Variants in OLFM3 observed in about 807,000 individuals in gnomAD.
OLFM3 encodes noelin-3.
OLFM3 carries 20 observed loss-of-function variants against 48.6 expected under a neutral mutation model. The ratio of observed to expected loss-of-function variants is 0.41; its 90% CI spans 0.29 to 0.60. The LOEUF (loss-of-function observed/expected upper bound fraction) is 0.60, where lower values mean the gene tolerates loss of function less well. OLFM3 is among the 20% of genes least tolerant of loss of function. The probability of loss-of-function intolerance (pLI) is 0.28; values close to 1 mark genes in which losing one functional copy is unlikely to be tolerated. For missense variants in OLFM3, 437 were observed against 544.3 expected, an observed-to-expected ratio of 0.80 and a Z score of 1.96; for synonymous variants, 222 against 198.1, an observed-to-expected ratio of 1.12 and a Z score of -1.01.
At chr1:101,980,351 T>C (rs1385028790) in intron 1 of OLFM3, among the ~76,000 whole-genome samples, 1 of 152,070 alleles carries the variant, frequency 6.6e-6, no homozygotes, top group Non-Finnish European at 1.5e-5. Context: ...TCACCTCAAA[T>C]TGTAATCCCC....
chr1:101,840,219 G>A (rs1224061479), intron 1 of OLFM3, among the ~76,000 whole-genome samples: 1 of 152,106 alleles, frequency 6.6e-6, no homozygotes, highest in African/African-American at 2.4e-5. Context: ...ACATGCAACA[G>A]GAATAGCAAT....
intron 1 of OLFM3, among the ~76,000 whole-genome samples, chr1:101,924,246 A>G (rs1347595099): frequency 6.6e-6 from 1 of 152,214 alleles, no homozygotes; most frequent in Admixed American, 6.5e-5. Context: ...GTGGATACAG[A>G]GTGCCACTGT....
intron 1 of OLFM3, among the ~76,000 whole-genome samples, chr1:101,843,252 C>T (rs775812614): frequency 3.9e-5 from 6 of 152,178 alleles, no homozygotes; most frequent in Admixed American, 6.5e-5. Context: ...CAGGTTCCTT[C>T]GAGGCCTCTT....
At chr1:101,915,904 A>G (rs1570627372) in intron 1 of OLFM3, among the ~76,000 whole-genome samples, 1 of 152,188 alleles carries the variant, frequency 6.6e-6, no homozygotes, top group East Asian at 1.9e-4. Context: ...TAATAATACT[A>G]CCCTGTGGTT....
Position 101,803,460 on chromosome 1 carries a change from A to G in OLFM3, c.*778T>C, listed in dbSNP as rs748616217. 6.6e-6 allele frequency: 1 copy of G among 152,144 alleles called. No individual in the cohort carries two copies. The highest frequency in any genetic ancestry group is 1.5e-5 in the Non-Finnish European group (1 of 67,778). The allele number at this position is 152,144 out of a possible 1,614,324, so 9.4% of individuals were successfully genotyped here. Reference sequence around the variant, plus strand: ...AGTGGCCCAAAAAACTTGGGGTAAAATAAAGACTCTATGTCAGGTGTCTGG... The same window carrying G: ...AGTGGCCCAAAAAACTTGGGGTAAAGTAAAGACTCTATGTCAGGTGTCTGG... On this transcript the variant is annotated 3_prime_UTR_variant, in exon 6 of 6. Coordinates refer to ENST00000370103, the MANE Select transcript of OLFM3 (RefSeq NM_058170.4).
intron 1 of OLFM3, among the ~76,000 whole-genome samples, chr1:101,990,187 A>C (rs1448052653): frequency 1.3e-5 from 2 of 152,102 alleles, no homozygotes; most frequent in Non-Finnish European, 1.5e-5. Context: ...TTTTGGATAT[A>C]ATTATGATGT....
intron 1 of OLFM3, among the ~76,000 whole-genome samples, chr1:101,956,655 A>C (rs1377273480): frequency 1.3e-5 from 2 of 151,892 alleles, no homozygotes; most frequent in African/African-American, 2.4e-5. Flanking sequence ...TTATAAGCTT[A>C]TTCATTTTAT....
At chr1:101,945,938 G>A (rs1051513295) in intron 1 of OLFM3, among the ~76,000 whole-genome samples, 2 of 152,156 alleles carry the variant, frequency 1.3e-5, no homozygotes, top group Non-Finnish European at 2.9e-5. Context: ...ATTTCCTGTT[G>A]ATAATGTTGA....
intron 2 of OLFM3, among the ~76,000 whole-genome samples, chr1:101,831,881 G>A (rs1006156603): frequency 1.3e-5 from 2 of 152,168 alleles, no homozygotes; most frequent in African/African-American, 2.4e-5. Flanking sequence ...CATAAAATTT[G>A]ATCTTTTTTG....
At chr1:101,958,835 T>TTA (rs10571792) in intron 1 of OLFM3, among the ~76,000 whole-genome samples, 7,909 of 146,294 alleles carry the variant, frequency 0.054, 213 homozygotes, top group Middle Eastern at 0.094. Flanking sequence ...CAAAGTGATA[T>TTA]TATATATATA....
At chr1:101,993,339 C>T (rs932607155) in intron 1 of OLFM3, among the ~76,000 whole-genome samples, 1 of 152,132 alleles carries the variant, frequency 6.6e-6, no homozygotes, top group Non-Finnish European at 1.5e-5. Context: ...CTTCTACCAT[C>T]AAGGTCATTA....
intron 2 of OLFM3, among the ~76,000 whole-genome samples, chr1:101,834,643 G>A (rs1254307284): frequency 6.6e-6 from 1 of 152,146 alleles, no homozygotes; most frequent in Non-Finnish European, 1.5e-5. Flanking sequence ...CACAATTTAC[G>A]ATTCCTCTGT....
At chr1:101,832,862 T>C (rs1655230320) in intron 2 of OLFM3, among the ~76,000 whole-genome samples, 1 of 152,258 alleles carries the variant, frequency 6.6e-6, no homozygotes, top group Admixed American at 6.5e-5. Context: ...TCAAAATATT[T>C]AATCTAGCAC....
At chr1:101,941,510 A>G (rs574245038) in intron 1 of OLFM3, among the ~76,000 whole-genome samples, 6 of 152,156 alleles carry the variant, frequency 3.9e-5, no homozygotes, top group Non-Finnish European at 5.9e-5. Flanking sequence ...ATTCATGTCC[A>G]TGAATGAAGC....
intron 3 of OLFM3, among the ~76,000 whole-genome samples, chr1:101,828,154 T>C (rs1654976854): frequency 6.6e-6 from 1 of 151,936 alleles, no homozygotes; most frequent in Non-Finnish European, 1.5e-5. Context: ...TCCCCAGCCA[T>C]GCAGAACTGT....
At position 101,920,983 on chromosome 1, in the gene OLFM3, G is replaced by T. The variant is rs573225196; in HGVS notation, c.69+75765C>A. On this transcript the variant is annotated intron_variant, in intron 1 of 5. Transcript: ENST00000370103. ...TGTTATAAGTACAATATTCTATTAG[G>T]TTGTTTGCATCATTCACCTTCTGCT... is the stretch of plus-strand genomic sequence containing the variant. Among the ~76,000 whole-genome samples, 19 of 152,000 alleles carry T rather than the reference G, an allele frequency of 1.3e-4. No individual in the cohort carries two copies. The South Asian group carries it at 2.3e-3, about 18-fold the overall frequency.
intron 1 of OLFM3, 126 bp from the exon 2 acceptor site, chr1:101,837,151 T>C: frequency 1.0e-6 from 1 of 957,974 alleles, no homozygotes; most frequent in Non-Finnish European, 1.5e-6. Flanking sequence ...ATCTTTAAAG[T>C]TAGCAGAGAG....
intron 1 of OLFM3, among the ~76,000 whole-genome samples, chr1:101,935,069 C>A (rs1659567509): frequency 6.6e-6 from 1 of 151,672 alleles, no homozygotes; most frequent in South Asian, 2.1e-4. Flanking sequence ...ACTAGAGAAA[C>A]AAGAGCAAAC....
intron 1 of OLFM3, among the ~76,000 whole-genome samples, chr1:101,841,716 C>G (rs1186675792): frequency 1.3e-5 from 2 of 152,120 alleles, no homozygotes; most frequent in Non-Finnish European, 2.9e-5. Flanking sequence ...AATTCTGATC[C>G]TTTGAACAGA....
Sources: gnomAD v4.1 joint callset for allele counts (sites outside exome capture counted in the v4.1 genomes callset) on GRCh38, gnomAD v4.1.1 for gene constraint, MANE v1.5 for transcripts, NCBI Gene and HGNC (gene_info 2026-07-23, HGNC 2026-07-21) for gene names.